The following PPP2R2B variants were observed in gnomAD, a reference collection of about 807,000 sequenced individuals.
The protein encoded by PPP2R2B is protein phosphatase 2 regulatory subunit Bbeta.
In PPP2R2B, 5 loss-of-function variants were observed where a neutral mutation model predicts 46.0. That is an observed-to-expected ratio of 0.11 (90% CI 0.06 to 0.23). PPP2R2B has a LOEUF of 0.23. Ranked by LOEUF, PPP2R2B falls within the 10% of genes least tolerant of loss-of-function variation. The pLI is 1.00. For synonymous variants in PPP2R2B, 215 were observed against 206.7 expected, an observed-to-expected ratio of 1.04 and a Z score of -0.34; for missense variants, 367 against 575.0, an observed-to-expected ratio of 0.64 and a Z score of 3.70.
chr5:146,952,610 C>T (rs1561538074), intron 1 of PPP2R2B, among the ~76,000 whole-genome samples: 1 of 152,130 alleles, frequency 6.6e-6, no homozygotes, highest in Non-Finnish European at 1.5e-5. Flanking sequence ...GCTGAACTAC[C>T]TATGTTCTGC....
intron 2 of PPP2R2B, among the ~76,000 whole-genome samples, chr5:146,839,279 C>T (rs1180540758): frequency 2.0e-5 from 3 of 152,114 alleles, no homozygotes; most frequent in Non-Finnish European, 2.9e-5. Context: ...CCAGCACTTA[C>T]GGAGGCTGAA....
intron 6 of PPP2R2B, among the ~76,000 whole-genome samples, chr5:146,646,510 C>G (rs1188287970): frequency 6.6e-6 from 1 of 152,174 alleles, no homozygotes; most frequent in Non-Finnish European, 1.5e-5. Flanking sequence ...CAAGGACAGA[C>G]TGGCTATGGA....
chr5:147,037,127 C>G (rs572039839), intron 1 of PPP2R2B, among the ~76,000 whole-genome samples: 2 of 150,156 alleles, frequency 1.3e-5, no homozygotes, highest in Admixed American at 6.7e-5. Flanking sequence ...CTCCAGCATA[C>G]AGCTCTTGAA....
upstream of PPP2R2B, among the ~76,000 whole-genome samples, chr5:147,060,812 C>T (rs542336408): frequency 1.5e-4 from 23 of 152,284 alleles, no homozygotes; most frequent in Middle Eastern, 3.4e-3. Context: ...ATCTGACACC[C>T]TGGCCAGACC....
At chr5:146,663,833 A>ATTATTTAT (rs552622400) in intron 5 of PPP2R2B, among the ~76,000 whole-genome samples, 2 of 151,668 alleles carry the variant, frequency 1.3e-5, no homozygotes, top group African/African-American at 2.4e-5. Context: ...ATTTTATTTT[A>ATTATTTAT]TTATTTATTT....
At chr5:146,958,559 C>G (rs923267453) in intron 1 of PPP2R2B, among the ~76,000 whole-genome samples, 1 of 152,114 alleles carries the variant, frequency 6.6e-6, no homozygotes, top group Admixed American at 6.6e-5. Flanking sequence ...TGTATTGTCA[C>G]GATTTTCATT....
At chr5:146,663,237 A>C (rs2151110775) in intron 5 of PPP2R2B, among the ~76,000 whole-genome samples, 1 of 152,316 alleles carries the variant, frequency 6.6e-6, no homozygotes, top group Admixed American at 6.5e-5. Context: ...CAGTATTTCT[A>C]GCCAAGGGAG....
intron 2 of PPP2R2B, among the ~76,000 whole-genome samples, chr5:147,077,060 C>A (rs1181341): frequency 6.8e-6 from 1 of 146,138 alleles, no homozygotes; most frequent in Non-Finnish European, 1.5e-5. Flanking sequence ...TATATATATA[C>A]AATACATATA....
intron 2 of PPP2R2B, among the ~76,000 whole-genome samples, chr5:146,771,669 G>T (rs1008600936): frequency 2.0e-5 from 3 of 152,176 alleles, no homozygotes; most frequent in African/African-American, 7.2e-5. Context: ...TGATTAGGTA[G>T]AACATTTGCT....
At chr5:146,626,441 A>T (rs915795838) in intron 7 of PPP2R2B, among the ~76,000 whole-genome samples, 2 of 152,270 alleles carry the variant, frequency 1.3e-5, no homozygotes, top group Admixed American at 1.3e-4. Context: ...CAACATATTT[A>T]TAAATTGAAA....
At chr5:146,772,561 C>G (rs1022316041) in intron 2 of PPP2R2B, among the ~76,000 whole-genome samples, 7 of 151,742 alleles carry the variant, frequency 4.6e-5, no homozygotes, top group African/African-American at 1.7e-4. Flanking sequence ...TTCTGTGTTT[C>G]CATGTTTATA....
At chr5:146,677,217 C>T (rs749887211) in intron 5 of PPP2R2B, among the ~76,000 whole-genome samples, 11 of 152,160 alleles carry the variant, frequency 7.2e-5, no homozygotes, top group African/African-American at 1.2e-4. Flanking sequence ...ACAGAGTTTT[C>T]GCTTTGTATC....
chr5:146,638,426 C>T lies in PPP2R2B; in HGVS notation c.626-11G>A, dbSNP rs144555444. The T allele has an allele frequency of 3.6e-5, 57 of 1,576,380 alleles. No homozygotes were observed. In the African/African-American group the frequency reaches 6.0e-4, roughly 17 times the overall value. ...TAATGTCCACAATATCTGGCACAGA[C>T]GAGTCAAGGAAGGAACCAGGAGAAG... is the stretch of plus-strand genomic sequence containing the variant. On this transcript the variant is annotated splice_polypyrimidine_tract_variant and intron_variant, in intron 6 of 9. Transcript: ENST00000394411.
intron 1 of PPP2R2B, among the ~76,000 whole-genome samples, chr5:147,048,960 C>T (rs79746207): frequency 6.6e-6 from 1 of 151,356 alleles, no homozygotes; most frequent in Non-Finnish European, 1.5e-5. Flanking sequence ...AAAGGACAGG[C>T]AAAAAACAAG....
chr5:146,869,502 A>T (rs1184753619), intron 2 of PPP2R2B, among the ~76,000 whole-genome samples: 2 of 152,192 alleles, frequency 1.3e-5, no homozygotes, highest in African/African-American at 4.8e-5. Flanking sequence ...AATCTTGAAG[A>T]CGTATCACTA....
chr5:146,983,412 C>T (rs982797408), intron 1 of PPP2R2B, among the ~76,000 whole-genome samples: 13 of 152,220 alleles, frequency 8.5e-5, no homozygotes, highest in Non-Finnish European at 1.6e-4. Flanking sequence ...GATCTCCTGA[C>T]CTCGTGATCT....
At chr5:146,987,557 G>A in intron 1 of PPP2R2B, among the ~76,000 whole-genome samples, 1 of 151,900 alleles carries the variant, frequency 6.6e-6, no homozygotes, top group East Asian at 1.9e-4. Context: ...GTTATCATCA[G>A]TTTAAAATAG....
chr5:146,683,251 C>T (rs1337378073), intron 5 of PPP2R2B, among the ~76,000 whole-genome samples: 2 of 152,152 alleles, frequency 1.3e-5, no homozygotes, highest in Admixed American at 6.6e-5. Flanking sequence ...TTACAATCTC[C>T]TTGAAAAGTT....
chr5:147,046,543 A>G (rs778974874), intron 1 of PPP2R2B, among the ~76,000 whole-genome samples: 1 of 152,200 alleles, frequency 6.6e-6, no homozygotes, highest in Admixed American at 6.6e-5. Flanking sequence ...TATAAAATTG[A>G]GTGAAAATGA....
Sources: gnomAD v4.1 joint callset for allele counts (sites outside exome capture counted in the v4.1 genomes callset) on GRCh38, gnomAD v4.1.1 for gene constraint, MANE v1.5 for transcripts, NCBI Gene and HGNC (gene_info 2026-07-23, HGNC 2026-07-21) for gene names.